VPS16: variants seen among roughly 807,000 people sequenced by gnomAD.
The protein encoded by VPS16 is VPS16 core subunit of CORVET and HOPS complexes.
Under a neutral mutation model 116.0 loss-of-function variants are expected in VPS16, and 82 were observed. The observed-to-expected ratio is 0.71, with a 90% CI of 0.59 to 0.85. VPS16 has a LOEUF of 0.85. Ranked by LOEUF, VPS16 falls within the 40% of genes least tolerant of loss-of-function variation. VPS16 has a pLI of 0.00. For missense variants in VPS16, 928 were observed against 1,090.6 expected (o/e 0.85, Z 2.10); for synonymous variants, 406 against 420.7 (o/e 0.96, Z 0.43).
rs2089271900 is a variant in VPS16 at position 2,863,667 on chromosome 20, C to A, written c.1476+269C>A. ...ATCCCAGCTACCCGGGAGGCTGAGGCAGGAGAATTGCTTTCACCTGGGAGG... is the reference window on the plus strand; with the variant it reads ...ATCCCAGCTACCCGGGAGGCTGAGGAAGGAGAATTGCTTTCACCTGGGAGG... On this transcript the variant is annotated intron_variant, in intron 15 of 23. Coordinates refer to ENST00000380445, the MANE Select transcript of VPS16 (RefSeq NM_022575.4). The surrounding 1 kb of genome is among the most constrained non-coding windows in gnomAD (Gnocchi z 4.4). Among the ~76,000 whole-genome samples the A allele has an allele frequency of 1.3e-5, 2 of 152,162 alleles. No homozygotes were observed. The highest frequency in any genetic ancestry group is 2.4e-5 in the African/African-American group (1 of 41,434).
At chr20:2,842,209 G>C (rs1353010601) in intron 1 of VPS16, among the ~76,000 whole-genome samples, 2 of 152,178 alleles carry the variant, frequency 1.3e-5, no homozygotes. Flanking sequence ...GGCTGAGTTA[G>C]GAGGATCACT....
In VPS16 at chr20:2,865,532, A is replaced by C. The variant is rs2089321899; in HGVS notation, c.2271+37A>C. 1 of 1,594,032 alleles carries C rather than the reference A, an allele frequency of 6.3e-7. No individual in the cohort carries two copies. On this transcript the variant is annotated intron_variant, in intron 22 of 23. Transcript: ENST00000380445. This position sits in a 1 kb window ranked among gnomAD's most constrained non-coding sequence, Gnocchi z 5.2. ...TCCTCCCTCCAGCCCACTTCCAGTG[A>C]GGGTAGTCTTCGGGAGAGAGGGCTA...
Position 2,862,036 on chromosome 20 carries a change from A to G in VPS16, c.995-18A>G, listed in dbSNP as rs751930235. On this transcript the variant is annotated intron_variant, in intron 10 of 23. Transcript: ENST00000380445. ...GTTTCCCTGCCTTTCTCCCTCACTC[A>G]CCAACTCCCTTCCCCAGCGGCCAGC... is the stretch of plus-strand genomic sequence containing the variant. 1 of 1,613,074 alleles carries G rather than the reference A, an allele frequency of 6.2e-7. No homozygotes were observed. The highest frequency in any genetic ancestry group is 8.5e-7 in the Non-Finnish European group (1 of 1,179,622).
chr20:2,842,909 T>TATCTATCGATAGATAGATAGATGTATC (rs1428286703), intron 1 of VPS16, among the ~76,000 whole-genome samples: 45 of 23,884 alleles, frequency 1.9e-3, no homozygotes, highest in African/African-American at 2.7e-3. Flanking sequence ...TAGATATATG[T>TATCTATCGATAGATAGATAGATGTATC]TATGGATTGC....
At chr20:2,858,783 A>G (rs780232321) in intron 1 of VPS16, among the ~76,000 whole-genome samples, 6 of 152,042 alleles carry the variant, frequency 3.9e-5, no homozygotes, top group Admixed American at 6.6e-5. Flanking sequence ...CATTGCAATC[A>G]TCTCATGCCT....
chr20:2,855,550 C>A (rs977501395), intron 1 of VPS16, among the ~76,000 whole-genome samples: 1 of 152,204 alleles, frequency 6.6e-6, no homozygotes, highest in African/African-American at 2.4e-5. Context: ...GTGTTGACTT[C>A]TTTCTAGCTA....
intron 1 of VPS16, among the ~76,000 whole-genome samples, chr20:2,842,905 T>TCTATCGATAGATAGATAGATAG (rs1215149992): frequency 6.9e-6 from 1 of 145,594 alleles, no homozygotes; most frequent in African/African-American, 2.6e-5. Flanking sequence ...TAGATAGATA[T>TCTATCGATAGATAGATAGATAG]ATGTTATGGA....
Position 2,862,867 on chromosome 20 carries a change from T to C in VPS16, c.1264T>C (p.Cys422Arg). The change falls in exon 13 of 24, where the codon TGT becomes CGT. Residue 422 changes from cysteine (C) to arginine (R), a missense_variant. Transcript: ENST00000380445. ...RFPPDSFVHM[C>R]QDLRVLNAVR... ...TCCACCCGACAGCTTCGTGCACATGTGTCAGGACCTGCGTGTGCTCAATGC... is the reference window on the plus strand; with the variant it reads ...TCCACCCGACAGCTTCGTGCACATGCGTCAGGACCTGCGTGTGCTCAATGC... 6.2e-7 allele frequency: 1 copy of C among 1,614,138 alleles called. No individual in the cohort carries two copies. The highest frequency in any genetic ancestry group is 2.2e-5 in the East Asian group (1 of 44,880).
At chr20:2,852,368 A>G (rs1468923701) in intron 1 of VPS16, among the ~76,000 whole-genome samples, 4 of 152,162 alleles carry the variant, frequency 2.6e-5, no homozygotes, top group African/African-American at 7.2e-5. Flanking sequence ...TTACCACAGA[A>G]CATGGGTTAA....
Position 2,864,557 on chromosome 20 carries a change from A to G in VPS16, c.1829A>G (p.His610Arg), listed in dbSNP as rs1178096168. The G allele has an allele frequency of 6.2e-7, 1 of 1,614,140 alleles. No individual in the cohort carries two copies. Among genetic ancestry groups the G allele is most frequent in the East Asian group, 2.2e-5 (1 of 44,884 alleles). Residue 610 changes from histidine to arginine, a missense_variant, in exon 19 of 24, where the codon CAT becomes CGT. Transcript: ENST00000380445. This position sits in a 1 kb window ranked among gnomAD's most constrained non-coding sequence, Gnocchi z 5.2. ...TGCCTGTGGCCCCAGTTCTGTAAGC[A>G]TCAGGAGCTAGAGACGCTGAAGGAC... is the stretch of plus-strand genomic sequence containing the variant. ...ALSLYRQFCK[H>R]QELETLKDLY...
chr20:2,861,905 G>T lies in VPS16; in HGVS notation c.994+6G>T. 1 of 1,612,972 alleles carries T rather than the reference G, an allele frequency of 6.2e-7. No homozygotes were observed. Among genetic ancestry groups the T allele is most frequent in the Non-Finnish European group, 8.5e-7 (1 of 1,179,590 alleles). On this transcript the variant is annotated splice_donor_region_variant and intron_variant, in intron 10 of 23. Coordinates refer to ENST00000380445, the MANE Select transcript of VPS16 (RefSeq NM_022575.4). ...GTTCCTGCATGAGGTTCCAGGTGAG[G>T]CCTTCACAAGGGCACCACATAACCC...
rs1568621060 is a variant in VPS16 at position 2,842,860 on chromosome 20, CT to C, written c.53+2034del. 1.3e-3 allele frequency among the ~76,000 whole-genome samples: 169 copies of C among 134,954 alleles called. 6 individuals are homozygous for C. The highest frequency in any genetic ancestry group is 2.5e-3 in the South Asian group (11 of 4,408). 88.5% of individuals were successfully genotyped at this position (134,954 alleles called of 152,430 possible). On this transcript the variant is annotated intron_variant, in intron 1 of 23. Transcript: ENST00000380445. ...TGTATCTATCGATAGATAGATGTAT[CT>C]ATCGATAGATAGATAGATGTATCTA...
chr20:2,848,344 G>A (rs543976608), intron 1 of VPS16, among the ~76,000 whole-genome samples: 1 of 152,276 alleles, frequency 6.6e-6, no homozygotes, highest in East Asian at 1.9e-4. Flanking sequence ...CTTGGGCTCA[G>A]GTGATCCACC....
rs1402614938 is a variant in VPS16 at position 2,862,381 on chromosome 20, C to G, written c.1072-198C>G. The G allele has an allele frequency of 8.1e-6, 10 of 1,230,154 alleles. 1 individual carries two copies. The East Asian group carries it at 2.0e-4, about 25-fold the overall frequency. 76.2% of individuals were successfully genotyped at this position (1,230,154 alleles called of 1,614,324 possible). ...TATTGGGAGGAGTTCTCAAGGCCCCCCTAAAGGCAGCTGTGGGCTGATACG... is the reference window on the plus strand; with the variant it reads ...TATTGGGAGGAGTTCTCAAGGCCCCGCTAAAGGCAGCTGTGGGCTGATACG... On this transcript the variant is annotated intron_variant, in intron 11 of 23. Transcript: ENST00000380445.
At chr20:2,843,171 C>T (rs566913077) in intron 1 of VPS16, among the ~76,000 whole-genome samples, 61 of 152,056 alleles carry the variant, frequency 4.0e-4, no homozygotes, top group African/African-American at 1.4e-3. Context: ...TGGTGGCTCA[C>T]GCCTGTAATC....
At chr20:2,854,611 C>T (rs1306499068) in intron 1 of VPS16, among the ~76,000 whole-genome samples, 1 of 151,486 alleles carries the variant, frequency 6.6e-6, no homozygotes, top group East Asian at 2.0e-4. Context: ...CTGGCCAACA[C>T]GGTGAAACCC....
intron 1 of VPS16, among the ~76,000 whole-genome samples, chr20:2,854,655 G>A (rs146219204): frequency 0.039 from 5,890 of 151,512 alleles, 225 homozygotes; most frequent in Admixed American, 0.1. Context: ...AATTAGCTGG[G>A]CATGGTGGTG....
rs1429908050 is a variant in VPS16 at position 2,860,894 on chromosome 20, G to A, written c.630+31G>A. On this transcript the variant is annotated intron_variant, in intron 6 of 23. Transcript: ENST00000380445. The surrounding 1 kb of genome is among the most constrained non-coding windows in gnomAD (Gnocchi z 6.1). ...GGCCCTGAGTGGGAATGAAGTGGAC[G>A]GGCTGGGTTAGGCAATAGGGAGGTT... is the stretch of plus-strand genomic sequence containing the variant. 6.8e-6 allele frequency: 11 copies of A among 1,613,942 alleles called. No homozygotes were observed. Among genetic ancestry groups the A allele is most frequent in the South Asian group, 2.2e-5 (2 of 91,088 alleles).
chr20:2,862,995 A>G, intron 13 of VPS16, 61 bp downstream of exon 13: 1 of 1,613,990 alleles, frequency 6.2e-7, no homozygotes. Flanking sequence ...AAGGGGCTGG[A>G]GATGCGTCTG....
Sources: allele counts gnomAD v4.1 joint callset (sites outside exome capture counted in the v4.1 genomes callset), GRCh38; gene constraint gnomAD v4.1.1; non-coding constraint Gnocchi (gnomAD v3.1); transcripts MANE v1.5; gene names NCBI Gene and HGNC (gene_info 2026-07-23, HGNC 2026-07-21).